ADK: variants seen among roughly 807,000 people sequenced by gnomAD.
ADK encodes the protein adenosine kinase, also known as N6,N6-dimethyladenosine kinase.
In ADK, 24 loss-of-function variants were observed where a neutral mutation model predicts 44.7. The observed-to-expected ratio is 0.54, with a 90% CI of 0.39 to 0.76. The LOEUF is 0.76. Ranked by LOEUF, ADK falls within the 30% of genes least tolerant of loss-of-function variation. ADK has a pLI of 0.00. For missense variants in ADK, 321 were observed against 425.1 expected (o/e 0.76, Z 2.15); for synonymous variants, 128 against 142.6 (o/e 0.90, Z 0.73).
chr10:74,695,490 GTGTGTGTA>G (rs905943889), intron 10 of ADK, among the ~76,000 whole-genome samples: 14 of 151,526 alleles, frequency 9.2e-5, no homozygotes, highest in Non-Finnish European at 1.9e-4. Flanking sequence ...GTGTGTGTGT[GTGTGTGTA>G]TGTGTGTATG....
intron 3 of ADK, among the ~76,000 whole-genome samples, chr10:74,312,290 TAGAG>T (rs1261352301): frequency 5.4e-4 from 81 of 151,266 alleles, no homozygotes; most frequent in African/African-American, 1.9e-3. Context: ...CACTTGTAGA[TAGAG>T]TGTGTGTGTG....
intron 1 of ADK, among the ~76,000 whole-genome samples, chr10:74,191,074 A>C (rs1428527014): frequency 1.4e-5 from 2 of 147,090 alleles, no homozygotes; most frequent in East Asian, 4.0e-4. Context: ...TCTGCCTCCC[A>C]GGTTCAAACG....
At chr10:74,154,422 C>A (rs1052662855) in intron 1 of ADK, among the ~76,000 whole-genome samples, 3 of 152,156 alleles carry the variant, frequency 2.0e-5, no homozygotes, top group Non-Finnish European at 4.4e-5. Flanking sequence ...GCGTACACCA[C>A]TATGCCTGGC....
intron 4 of ADK, among the ~76,000 whole-genome samples, chr10:74,358,649 G>A (rs1365828378): frequency 6.6e-6 from 1 of 152,170 alleles, no homozygotes; most frequent in African/African-American, 2.4e-5. Flanking sequence ...CATCCTCAGA[G>A]CTAGGAATTC....
At chr10:74,415,117 G>C (rs1252021186) in intron 6 of ADK, among the ~76,000 whole-genome samples, 1 of 152,166 alleles carries the variant, frequency 6.6e-6, no homozygotes, top group Non-Finnish European at 1.5e-5. Flanking sequence ...CAAAGTCTGG[G>C]AATTTTATGT....
At chr10:74,251,149 ATTAAC>A (rs1401139851) in intron 3 of ADK, among the ~76,000 whole-genome samples, 1 of 152,234 alleles carries the variant, frequency 6.6e-6, no homozygotes, top group Non-Finnish European at 1.5e-5. Flanking sequence ...TGCTGGTACT[ATTAAC>A]TTCAAAAGGA....
intron 1 of ADK, among the ~76,000 whole-genome samples, chr10:74,152,903 A>G (rs1271732712): frequency 6.6e-6 from 1 of 152,214 alleles, no homozygotes; most frequent in Admixed American, 6.5e-5. Flanking sequence ...ACCTGTAGAC[A>G]TGAAGTTAAA....
chr10:74,490,252 G>A (rs945544547), intron 6 of ADK, among the ~76,000 whole-genome samples: 9 of 151,986 alleles, frequency 5.9e-5, no homozygotes, highest in African/African-American at 2.2e-4. Flanking sequence ...TGTATTCATT[G>A]TGATACTGAT....
chr10:74,260,971 G>A (rs1164939768), intron 3 of ADK, among the ~76,000 whole-genome samples: 1 of 152,084 alleles, frequency 6.6e-6, no homozygotes, highest in Non-Finnish European at 1.5e-5. Context: ...TGTGTATTCA[G>A]CTTTTCTGAT....
chr10:74,629,430 T>G (rs1271814474), intron 9 of ADK, among the ~76,000 whole-genome samples: 1 of 152,166 alleles, frequency 6.6e-6, no homozygotes, highest in Non-Finnish European at 1.5e-5. Flanking sequence ...CAGAGCAAAA[T>G]GAGGAGCTCA....
chr10:74,171,576 C>T (rs1418295270), intron 1 of ADK, among the ~76,000 whole-genome samples: 2 of 152,172 alleles, frequency 1.3e-5, no homozygotes, highest in East Asian at 3.8e-4. Flanking sequence ...ACATATCAGT[C>T]TTACGAAGAG....
intron 7 of ADK, among the ~76,000 whole-genome samples, chr10:74,572,762 A>G (rs1016599183): frequency 7.2e-5 from 11 of 152,088 alleles, no homozygotes; most frequent in South Asian, 2.1e-4. Flanking sequence ...TTCATCTTCC[A>G]TCACTGATAC....
intron 10 of ADK, among the ~76,000 whole-genome samples, chr10:74,679,995 A>T (rs1325265858): frequency 1.3e-5 from 2 of 149,676 alleles, no homozygotes; most frequent in Non-Finnish European, 3.0e-5. Flanking sequence ...CAAGTATAGA[A>T]CTGTAAGTTC....
intron 6 of ADK, among the ~76,000 whole-genome samples, chr10:74,473,480 C>T (rs1033532240): frequency 1.2e-4 from 18 of 152,308 alleles, no homozygotes; most frequent in African/African-American, 3.1e-4. Context: ...TTGGAGGATA[C>T]TACTTGACAT....
intron 4 of ADK, among the ~76,000 whole-genome samples, chr10:74,343,962 C>T (rs1031928769): frequency 6.6e-6 from 1 of 152,214 alleles, no homozygotes; most frequent in East Asian, 1.9e-4. Context: ...GTTTTCTATT[C>T]TATTGATATG....
chr10:74,292,046 C>T (rs564626262), intron 3 of ADK, among the ~76,000 whole-genome samples: 32 of 152,118 alleles, frequency 2.1e-4, no homozygotes, highest in Non-Finnish European at 3.8e-4. Context: ...ATCATGAGCC[C>T]GTGGGATTGT....
intron 3 of ADK, among the ~76,000 whole-genome samples, chr10:74,314,464 T>A (rs942781825): frequency 1.3e-5 from 2 of 152,122 alleles, no homozygotes; most frequent in African/African-American, 2.4e-5. Flanking sequence ...TAAATTCTTA[T>A]AGTTGTACAC....
intron 3 of ADK, among the ~76,000 whole-genome samples, chr10:74,226,288 G>T (rs1349434350): frequency 1.3e-5 from 2 of 152,016 alleles, no homozygotes; most frequent in African/African-American, 4.8e-5. Flanking sequence ...TTATATTTTA[G>T]TAGAGATGGG....
chr10:74,639,063 C>A (rs746739186), intron 9 of ADK, among the ~76,000 whole-genome samples: 57 of 152,242 alleles, frequency 3.7e-4, no homozygotes, highest in Non-Finnish European at 7.2e-4. Context: ...CCCACCTCAA[C>A]TTCCCAAAGT....
Sources: gnomAD v4.1 joint callset for allele counts (sites outside exome capture counted in the v4.1 genomes callset) on GRCh38, gnomAD v4.1.1 for gene constraint, MANE v1.5 for transcripts, NCBI Gene and HGNC (gene_info 2026-07-23, HGNC 2026-07-21) for gene names.